Variants in TRIM5 observed in about 807,000 individuals in gnomAD.
TRIM5 encodes tripartite motif-containing protein 5.
TRIM5 carries 31 observed loss-of-function variants against 35.6 expected under a neutral mutation model. The ratio of observed to expected loss-of-function variants is 0.87; its 90% CI spans 0.65 to 1.18. The LOEUF is 1.18. TRIM5 is among the 50% of genes most tolerant of loss of function. The pLI, the probability that TRIM5 is intolerant of heterozygous loss-of-function variation, is 0.00. For synonymous variants in TRIM5, 243 were observed against 215.6 expected, an observed-to-expected ratio of 1.13 and a Z score of -1.11; for missense variants, 609 against 591.6, an observed-to-expected ratio of 1.03 and a Z score of -0.31.
At chr11:5,605,889 G>A in the TRIM5 span, among the ~76,000 whole-genome samples, 1 of 152,136 alleles carries the variant, frequency 6.6e-6, no homozygotes, top group African/African-American at 2.4e-5. Flanking sequence ...TTTCTGGCTG[G>A]ATAATTCTTT....
At chr11:5,594,673 G>T in the TRIM5 span, among the ~76,000 whole-genome samples, 1 of 152,080 alleles carries the variant, frequency 6.6e-6, no homozygotes. Context: ...AGACTATGGA[G>T]CCTGTAAGTT....
the TRIM5 span, chr11:5,610,643 C>G: frequency 6.3e-7 from 1 of 1,575,476 alleles, no homozygotes; most frequent in Admixed American, 1.8e-5. Context: ...CCACACAGAT[C>G]CTAGGTGTTG....
intron 4 of TRIM5, among the ~76,000 whole-genome samples, chr11:5,669,064 C>G (rs1851358741): frequency 6.7e-6 from 1 of 149,346 alleles, no homozygotes; most frequent in South Asian, 2.1e-4. Context: ...TCTAACAGGA[C>G]AGTTTGGTCT....
the TRIM5 span, chr11:5,589,595 T>C: frequency 6.6e-6 from 1 of 151,646 alleles, no homozygotes; most frequent in Non-Finnish European, 1.5e-5. Context: ...ATTTTATATG[T>C]CCATAAACTC....
chr11:5,645,505 T>C, the TRIM5 span, among the ~76,000 whole-genome samples: 2 of 151,688 alleles, frequency 1.3e-5, no homozygotes, highest in African/African-American at 2.4e-5. Context: ...GTAAAATGAA[T>C]AGGTTAAAAT....
At chr11:5,676,388 C>T (rs1321332861) in intron 4 of TRIM5, among the ~76,000 whole-genome samples, 3 of 151,730 alleles carry the variant, frequency 2.0e-5, no homozygotes, top group African/African-American at 7.3e-5. Context: ...ACCTAGGAAT[C>T]CAACTTACAA....
the TRIM5 span, chr11:5,644,391 G>C: frequency 2.5e-6 from 1 of 396,198 alleles, no homozygotes; most frequent in Non-Finnish European, 4.4e-6. Flanking sequence ...TCTCATGATT[G>C]CTAAAAAGTG....
chr11:5,603,682 G>A, the TRIM5 span: 1 of 1,613,322 alleles, frequency 6.2e-7, no homozygotes, highest in African/African-American at 1.3e-5. Context: ...GCGGTCTCAG[G>A]AGCACCGTGG....
At chr11:5,643,043 T>A in the TRIM5 span, 1 of 1,289,176 alleles carries the variant, frequency 7.8e-7, no homozygotes. Flanking sequence ...TTCATCACCA[T>A]GTCACTAGAT....
chr11:5,675,213 TTTCA>T (rs1851856295), intron 4 of TRIM5, among the ~76,000 whole-genome samples: 1 of 152,026 alleles, frequency 6.6e-6, no homozygotes, highest in Admixed American at 6.6e-5. Flanking sequence ...TATTATTTTT[TTTCA>T]TTTGTGGGGT....
At chr11:5,623,720 A>G in the TRIM5 span, among the ~76,000 whole-genome samples, 36 of 152,234 alleles carry the variant, frequency 2.4e-4, no homozygotes, top group African/African-American at 8.7e-4. Flanking sequence ...TTACTTTTGC[A>G]CTAACCTGAT....
chr11:5,618,768 T>C, the TRIM5 span, among the ~76,000 whole-genome samples: 1 of 152,184 alleles, frequency 6.6e-6, no homozygotes, highest in African/African-American at 2.4e-5. Context: ...TAGTATACTC[T>C]GGGGGAGAAA....
the TRIM5 span, chr11:5,595,235 A>C: frequency 6.6e-6 from 1 of 152,248 alleles, no homozygotes; most frequent in Non-Finnish European, 1.5e-5. Flanking sequence ...TACTCACCTA[A>C]TCAGTCTCCT....
the TRIM5 span, among the ~76,000 whole-genome samples, chr11:5,637,724 T>G: frequency 1.3e-5 from 2 of 152,198 alleles, no homozygotes; most frequent in Admixed American, 6.5e-5. Context: ...ACTGTACCCA[T>G]TAAAAAACAG....
At chr11:5,673,676 CATAAG>C (rs1381922135) in intron 4 of TRIM5, among the ~76,000 whole-genome samples, 2 of 151,928 alleles carry the variant, frequency 1.3e-5, no homozygotes, top group Non-Finnish European at 2.9e-5. Context: ...TGTTCCATAC[CATAAG>C]ATAAGTTTCA....
the TRIM5 span, among the ~76,000 whole-genome samples, chr11:5,615,875 G>T: frequency 1.5e-4 from 23 of 151,032 alleles, no homozygotes; most frequent in African/African-American, 4.1e-4. Flanking sequence ...TTACCGGCGT[G>T]AGCCACCGTG....
chr11:5,597,215 C>A, the TRIM5 span, among the ~76,000 whole-genome samples: 1 of 152,114 alleles, frequency 6.6e-6, no homozygotes, highest in Non-Finnish European at 1.5e-5. Flanking sequence ...GCTTTAGTTT[C>A]TTCCATCTAT....
At chr11:5,676,501 G>C (rs1239879076) in intron 4 of TRIM5, among the ~76,000 whole-genome samples, 4 of 152,142 alleles carry the variant, frequency 2.6e-5, no homozygotes, top group Non-Finnish European at 4.4e-5. Context: ...TGGGTAGGAA[G>C]AATCAATATC....
the TRIM5 span, among the ~76,000 whole-genome samples, chr11:5,625,433 C>A: frequency 2.0e-4 from 31 of 152,310 alleles, no homozygotes; most frequent in African/African-American, 6.0e-4. Flanking sequence ...TTATTTTCCA[C>A]CTCCTACTCC....
Sources: allele counts gnomAD v4.1 joint callset (sites outside exome capture counted in the v4.1 genomes callset), GRCh38; gene constraint gnomAD v4.1.1; transcripts MANE v1.5; gene names NCBI Gene and HGNC (gene_info 2026-07-23, HGNC 2026-07-21).